SLC2A13: variants seen among roughly 807,000 people sequenced by gnomAD.
SLC2A13 encodes the protein proton myo-inositol cotransporter.
SLC2A13 carries 32 observed loss-of-function variants against 64.4 expected under a neutral mutation model. The observed-to-expected ratio is 0.50, with a 90% CI of 0.37 to 0.67. The LOEUF is 0.67. SLC2A13 is among the 30% of genes least tolerant of loss of function. The pLI is 0.00. For synonymous variants in SLC2A13, 338 were observed against 327.1 expected, an observed-to-expected ratio of 1.03 and a Z score of -0.36; for missense variants, 743 against 829.2, an observed-to-expected ratio of 0.90 and a Z score of 1.28.
At chr12:39,921,551 T>C (rs976403782) in intron 4 of SLC2A13, among the ~76,000 whole-genome samples, 1 of 152,082 alleles carries the variant, frequency 6.6e-6, no homozygotes, top group African/African-American at 2.4e-5. Context: ...AGACAGTCCA[T>C]GATTGGTGAA....
intron 3 of SLC2A13, among the ~76,000 whole-genome samples, chr12:39,982,471 C>T (rs1946926021): frequency 6.6e-6 from 1 of 151,462 alleles, no homozygotes; most frequent in African/African-American, 2.4e-5. Context: ...TAAGCAACTT[C>T]AGCAAAGTCT....
chr12:39,846,277 A>G, intron 6 of SLC2A13, among the ~76,000 whole-genome samples: 1 of 152,034 alleles, frequency 6.6e-6, no homozygotes, highest in South Asian at 2.1e-4. Context: ...ATTACTGTCC[A>G]CTCCCAAAGG....
intron 4 of SLC2A13, among the ~76,000 whole-genome samples, chr12:39,929,807 G>A (rs150062552): frequency 7.6e-4 from 116 of 152,214 alleles, no homozygotes; most frequent in Non-Finnish European, 1.2e-3. Flanking sequence ...AATTAGTGAG[G>A]GGTACACTGA....
intron 3 of SLC2A13, among the ~76,000 whole-genome samples, chr12:39,971,070 T>C (rs550834361): frequency 1.3e-3 from 194 of 152,328 alleles, no homozygotes; most frequent in African/African-American, 4.5e-3. Context: ...TCTCTTCTAA[T>C]TCTTAACTTC....
At chr12:39,830,401 G>C in intron 6 of SLC2A13, 173 bp from the exon 7 acceptor site, 1 of 1,342,432 alleles carries the variant, frequency 7.4e-7, no homozygotes. Context: ...AGAGCTGGCT[G>C]GTCTCTTCGA....
At chr12:39,828,561 A>G (rs1403627459) in intron 7 of SLC2A13, among the ~76,000 whole-genome samples, 1 of 152,166 alleles carries the variant, frequency 6.6e-6, no homozygotes, top group Non-Finnish European at 1.5e-5. Context: ...TACTGAAGGT[A>G]AGAGAAACAT....
At chr12:39,772,757 C>T (rs1436255689) in intron 7 of SLC2A13, among the ~76,000 whole-genome samples, 3 of 152,162 alleles carry the variant, frequency 2.0e-5, no homozygotes, top group African/African-American at 7.2e-5. Context: ...GGGTGATCTC[C>T]TGCTGTGGCA....
At chr12:39,890,431 C>A (rs1208692115) in intron 4 of SLC2A13, among the ~76,000 whole-genome samples, 2 of 152,072 alleles carry the variant, frequency 1.3e-5, no homozygotes, top group Non-Finnish European at 2.9e-5. Flanking sequence ...AGTAAGGTTG[C>A]AGATAGAATT....
At chr12:40,038,930 T>TA (rs35940710) in intron 2 of SLC2A13, among the ~76,000 whole-genome samples, 26 of 151,508 alleles carry the variant, frequency 1.7e-4, no homozygotes, top group South Asian at 1.0e-3. Context: ...CTATCGTTGT[T>TA]AAAAAAAAGA....
intron 7 of SLC2A13, among the ~76,000 whole-genome samples, chr12:39,787,693 CA>C (rs1941239596): frequency 6.6e-6 from 1 of 152,040 alleles, no homozygotes; most frequent in South Asian, 2.1e-4. Context: ...TAAATTTTAG[CA>C]TGCAAATGAA....
At chr12:39,925,030 ATTTTTTTTTTT>A (rs58902176) in intron 4 of SLC2A13, among the ~76,000 whole-genome samples, 2 of 119,130 alleles carry the variant, frequency 1.7e-5, no homozygotes, top group African/African-American at 6.1e-5. Context: ...CATACAGATA[ATTTTTTTTTTT>A]TTTTTTTTTT....
chr12:40,076,106 C>T (rs1434045517), intron 1 of SLC2A13, among the ~76,000 whole-genome samples: 2 of 152,146 alleles, frequency 1.3e-5, no homozygotes, highest in African/African-American at 2.4e-5. Flanking sequence ...CCCTGATTCT[C>T]TATGTTAAGT....
At chr12:39,949,165 T>C (rs1267167424) in intron 4 of SLC2A13, among the ~76,000 whole-genome samples, 1 of 152,192 alleles carries the variant, frequency 6.6e-6, no homozygotes, top group Non-Finnish European at 1.5e-5. Context: ...TCTGAAATTA[T>C]GTACTGTGAA....
At chr12:40,096,375 G>C (rs1412920972) in intron 1 of SLC2A13, among the ~76,000 whole-genome samples, 1 of 151,778 alleles carries the variant, frequency 6.6e-6, no homozygotes, top group Non-Finnish European at 1.5e-5. Flanking sequence ...AGTATAATTT[G>C]AGGATAAATA....
rs146828823 is a variant in SLC2A13, at chr12:39,946,071, C to T, written c.1034+5186G>A. 3.4e-3 allele frequency among the ~76,000 whole-genome samples: 521 copies of T among 152,322 alleles called. 3 individuals are homozygous for T. Among genetic ancestry groups the T allele is most frequent in the Middle Eastern group, 0.027 (8 of 294 alleles). On this transcript the variant is annotated intron_variant, in intron 4 of 9. Coordinates refer to ENST00000280871, the MANE Select transcript of SLC2A13 (RefSeq NM_052885.4). ...TGTTCCCTTGATGTAATACTCTCCC[C>T]CTTTTCCTATGGATGTGGCTTCCTA...
At chr12:39,854,935 G>C (rs929215410) in intron 6 of SLC2A13, among the ~76,000 whole-genome samples, 2 of 152,188 alleles carry the variant, frequency 1.3e-5, no homozygotes, top group Non-Finnish European at 2.9e-5. Flanking sequence ...TCCCTCCTCT[G>C]TGACGGGTCC....
chr12:39,942,212 G>A (rs2132744), intron 4 of SLC2A13, among the ~76,000 whole-genome samples: 121,227 of 151,826 alleles, frequency 0.8, 48,520 homozygotes, highest in Admixed American at 0.83. Flanking sequence ...GGTTCCATAT[G>A]AATTTTAGAA....
intron 3 of SLC2A13, among the ~76,000 whole-genome samples, chr12:39,958,339 C>T (rs1466568164): frequency 6.6e-6 from 1 of 152,152 alleles, no homozygotes; most frequent in Non-Finnish European, 1.5e-5. Flanking sequence ...TCACACAGAC[C>T]AGTGTTAACA....
intron 3 of SLC2A13, among the ~76,000 whole-genome samples, chr12:40,003,674 G>A (rs1170048233): frequency 6.6e-6 from 1 of 151,020 alleles, no homozygotes; most frequent in Non-Finnish European, 1.5e-5. Context: ...AGGTATCATC[G>A]TGGGTTTTTT....
Sources: allele counts gnomAD v4.1 joint callset (sites outside exome capture counted in the v4.1 genomes callset), GRCh38; gene constraint gnomAD v4.1.1; transcripts MANE v1.5; gene names NCBI Gene and HGNC (gene_info 2026-07-23, HGNC 2026-07-21).